Variants in BMPR1A observed in about 807,000 individuals in gnomAD.
BMPR1A encodes the protein bone morphogenetic protein receptor type-1A.
BMPR1A carries 7 observed loss-of-function variants against 66.0 expected under a neutral mutation model. The ratio of observed to expected loss-of-function variants is 0.11; its 90% CI spans 0.06 to 0.20. BMPR1A has a LOEUF of 0.20. Ranked by LOEUF, BMPR1A falls within the 10% of genes least tolerant of loss-of-function variation. The pLI is 1.00. For missense variants in BMPR1A, 408 were observed against 669.1 expected, an observed-to-expected ratio of 0.61 and a Z score of 4.31; for synonymous variants, 200 against 229.7, an observed-to-expected ratio of 0.87 and a Z score of 1.17.
chr10:86,782,021 C>T (rs1015292215), intron 1 of BMPR1A, among the ~76,000 whole-genome samples: 1 of 134,504 alleles, frequency 7.4e-6, no homozygotes, highest in Non-Finnish European at 1.6e-5. Flanking sequence ...CATGAGCCAC[C>T]ACGCCTAATT....
At chr10:86,918,018 G>A (rs185800074) in intron 9 of BMPR1A, among the ~76,000 whole-genome samples, 1 of 152,176 alleles carries the variant, frequency 6.6e-6, no homozygotes, top group African/African-American at 2.4e-5. Context: ...ATACTCTAGA[G>A]GAGGAGCCTT....
At chr10:86,782,720 G>T (rs1443322083) in intron 1 of BMPR1A, among the ~76,000 whole-genome samples, 1 of 151,632 alleles carries the variant, frequency 6.6e-6, no homozygotes, top group African/African-American at 2.4e-5. Context: ...TTGTTACTGA[G>T]TTGTAGGAGT....
chr10:86,906,285 C>G (rs1843385908), intron 7 of BMPR1A, among the ~76,000 whole-genome samples: 2 of 151,992 alleles, frequency 1.3e-5, no homozygotes, highest in Admixed American at 1.3e-4. Context: ...ATCTTTTAAA[C>G]AGCTACAATA....
chr10:86,817,696 G>A (rs1044819677), intron 1 of BMPR1A, among the ~76,000 whole-genome samples: 2 of 152,174 alleles, frequency 1.3e-5, no homozygotes, highest in African/African-American at 4.8e-5. Flanking sequence ...TAACTAGTGA[G>A]GAGATTGAAT....
intron 2 of BMPR1A, among the ~76,000 whole-genome samples, chr10:86,848,841 A>C (rs1842523420): frequency 6.6e-6 from 1 of 152,188 alleles, no homozygotes; most frequent in African/African-American, 2.4e-5. Flanking sequence ...CACCTATGAC[A>C]ACTGCATCTC....
chr10:86,832,731 T>A (rs903527276), intron 1 of BMPR1A, among the ~76,000 whole-genome samples: 1 of 152,194 alleles, frequency 6.6e-6, no homozygotes, highest in African/African-American at 2.4e-5. Flanking sequence ...TCATGTATGC[T>A]GTAATGTGTA....
At chr10:86,832,184 A>T (rs959081060) in intron 1 of BMPR1A, among the ~76,000 whole-genome samples, 5 of 152,090 alleles carry the variant, frequency 3.3e-5, no homozygotes, top group African/African-American at 9.7e-5. Flanking sequence ...ATCATTGAAA[A>T]AGGCCGGGCG....
intron 1 of BMPR1A, among the ~76,000 whole-genome samples, chr10:86,769,000 C>G (rs1325006688): frequency 6.6e-6 from 1 of 152,190 alleles, no homozygotes; most frequent in Admixed American, 6.5e-5. Context: ...CAGGACAGTT[C>G]TATCTTAAAA....
chr10:86,926,179 A>C lies in BMPR1A; in HGVS notation c.*2460A>C, dbSNP rs1589294710. ...AACTTGCTCAGTAAAAACATTTTCT[A>C]GTATAACATGTTCTTTAAAAAGCAA... On this transcript the variant is annotated 3_prime_UTR_variant, in exon 13 of 13. Transcript: ENST00000372037. The C allele has an allele frequency of 6.1e-6, 1 of 164,560 alleles. No individual in the cohort carries two copies. Among genetic ancestry groups the C allele is most frequent in the Non-Finnish European group, 1.3e-5 (1 of 75,242 alleles). 10.2% of individuals were successfully genotyped at this position (164,560 alleles called of 1,614,324 possible). A position where few individuals can be genotyped will look rare whatever the true frequency, so the allele number is the denominator to read the frequency against.
intron 2 of BMPR1A, among the ~76,000 whole-genome samples, chr10:86,868,778 G>GTGTTTTT (rs572972222): frequency 1.4e-5 from 2 of 141,046 alleles, no homozygotes; most frequent in African/African-American, 5.3e-5. Context: ...CTTTTCCTGT[G>GTGTTTTT]TTTTTTTTTT....
intron 8 of BMPR1A, among the ~76,000 whole-genome samples, chr10:86,913,548 A>G (rs1843521928): frequency 6.6e-6 from 1 of 152,190 alleles, no homozygotes; most frequent in African/African-American, 2.4e-5. Context: ...CAAGAATGGT[A>G]CAATAAAACT....
intron 1 of BMPR1A, among the ~76,000 whole-genome samples, chr10:86,811,860 G>A (rs112916890): frequency 3.9e-5 from 6 of 152,022 alleles, no homozygotes; most frequent in East Asian, 3.9e-4. Context: ...CAGGAGGATC[G>A]CTTGAGCCCA....
intron 2 of BMPR1A, among the ~76,000 whole-genome samples, chr10:86,868,778 G>GGTTTTTTTTTTT (rs1554886241): frequency 2.1e-5 from 3 of 141,046 alleles, no homozygotes; most frequent in African/African-American, 7.9e-5. Flanking sequence ...CTTTTCCTGT[G>GGTTTTTTTTTTT]TTTTTTTTTT....
intron 1 of BMPR1A, among the ~76,000 whole-genome samples, chr10:86,796,377 T>C (rs1156255047): frequency 6.6e-6 from 1 of 152,102 alleles, no homozygotes; most frequent in East Asian, 1.9e-4. Flanking sequence ...ACTATTTTTT[T>C]CTTCACTTTT....
chr10:86,757,822 A>C (rs934225335), intron 1 of BMPR1A, among the ~76,000 whole-genome samples: 1 of 152,230 alleles, frequency 6.6e-6, no homozygotes, highest in Non-Finnish European at 1.5e-5. Context: ...AACTTGTCTA[A>C]GGGAGCTGGG....
chr10:86,762,743 A>G (rs1331440142), intron 1 of BMPR1A, among the ~76,000 whole-genome samples: 2 of 152,190 alleles, frequency 1.3e-5, no homozygotes, highest in Non-Finnish European at 2.9e-5. Flanking sequence ...TAAGATCTAC[A>G]AAAAGGAAGT....
chr10:86,896,757 A>T (rs1445170624), intron 5 of BMPR1A, among the ~76,000 whole-genome samples: 1 of 152,238 alleles, frequency 6.6e-6, no homozygotes, highest in African/African-American at 2.4e-5. Context: ...AGAAATTATT[A>T]ATATATTGCA....
At chr10:86,827,297 A>T (rs1842209728) in intron 1 of BMPR1A, among the ~76,000 whole-genome samples, 1 of 150,530 alleles carries the variant, frequency 6.6e-6, no homozygotes, top group African/African-American at 2.4e-5. Flanking sequence ...CTTGGGCTTG[A>T]TTTTTTTATT....
At chr10:86,860,308 A>G (rs544418660) in intron 2 of BMPR1A, among the ~76,000 whole-genome samples, 2 of 152,324 alleles carry the variant, frequency 1.3e-5, no homozygotes, top group South Asian at 2.1e-4. Context: ...AAAGCATTAT[A>G]TATATAAAAA....
Sources: gnomAD v4.1 joint callset for allele counts (sites outside exome capture counted in the v4.1 genomes callset) on GRCh38, gnomAD v4.1.1 for gene constraint, MANE v1.5 for transcripts, NCBI Gene and HGNC (gene_info 2026-07-23, HGNC 2026-07-21) for gene names.